Variants in DLC1 observed in about 807,000 individuals in gnomAD.
DLC1 encodes DLC1 Rho GTPase activating protein.
Under a neutral mutation model 140.3 loss-of-function variants are expected in DLC1, and 54 were observed. The observed-to-expected ratio is 0.38, with a 90% CI of 0.31 to 0.48. The LOEUF (loss-of-function observed/expected upper bound fraction) is 0.48. Ranked by LOEUF, DLC1 falls within the 20% of genes least tolerant of loss-of-function variation. The pLI is 0.96. For missense variants in DLC1, 2,536 were observed against 1,907.0 expected (o/e 1.33, Z -6.14); for synonymous variants, 986 against 728.1 (o/e 1.35, Z -5.70).
intron 5 of DLC1, among the ~76,000 whole-genome samples, chr8:13,122,802 G>GAAAAA (rs34886200): frequency 1.7e-5 from 2 of 120,684 alleles, no homozygotes. Flanking sequence ...TGCATAGTCT[G>GAAAAA]AAAAAAAAAA....
chr8:13,266,359 G>A (rs1830688462), intron 5 of DLC1, among the ~76,000 whole-genome samples: 1 of 152,082 alleles, frequency 6.6e-6, no homozygotes, highest in East Asian at 1.9e-4. Flanking sequence ...TTGGTTGGAG[G>A]GGCTTGGTAG....
At chr8:13,581,541 A>G (rs1229084526) in intron 1 of DLC1, among the ~76,000 whole-genome samples, 2 of 152,172 alleles carry the variant, frequency 1.3e-5, no homozygotes, top group Non-Finnish European at 2.9e-5. Flanking sequence ...TTCATCCAAG[A>G]TTTATCTAAT....
At chr8:13,123,341 G>T (rs187002843) in intron 5 of DLC1, among the ~76,000 whole-genome samples, 1 of 123,298 alleles carries the variant, frequency 8.1e-6, no homozygotes, top group Admixed American at 8.4e-5. Flanking sequence ...CCCCGCCCCC[G>T]CACCTTTTTG....
chr8:13,453,546 ATATATATATATTT>A lies in DLC1; in HGVS notation c.1023+45490_1023+45502del, dbSNP rs1799250091. The stretch of plus-strand genomic sequence containing the variant: ...TATATATGTATATATATACATATAT[ATATATATATATTT>A]TTTTTTTTTTTTTTTCAGATAGAAA... On this transcript the variant is annotated intron_variant, in intron 2 of 17. Coordinates refer to ENST00000276297, the MANE Select transcript of DLC1 (RefSeq NM_182643.3). Among the ~76,000 whole-genome samples the A allele has an allele frequency of 6.8e-5, 3 of 44,140 alleles. 1 individual carries two copies. Among genetic ancestry groups the A allele is most frequent in the African/African-American group, 3.9e-4 (3 of 7,720 alleles). The allele number at this position is 44,140 out of a possible 152,430, so 29.0% of individuals were successfully genotyped here.
At chr8:13,322,802 A>AG in intron 4 of DLC1, among the ~76,000 whole-genome samples, 1 of 152,224 alleles carries the variant, frequency 6.6e-6, no homozygotes, top group African/African-American at 2.4e-5. Context: ...TGTGTCCACA[A>AG]ATTCTTTAAC....
intron 2 of DLC1, among the ~76,000 whole-genome samples, chr8:13,453,422 A>ATATG (rs1554523043): frequency 6.1e-5 from 2 of 32,572 alleles, no homozygotes; most frequent in Non-Finnish European, 9.5e-5. Context: ...ATATATATAT[A>ATATG]TGTGTATATA....
intron 2 of DLC1, among the ~76,000 whole-genome samples, chr8:13,429,793 A>C (rs1838774560): frequency 6.6e-6 from 1 of 152,230 alleles, no homozygotes; most frequent in South Asian, 2.1e-4. Context: ...GCTACGTATA[A>C]CTTAAAGAAT....
intron 7 of DLC1, among the ~76,000 whole-genome samples, chr8:13,109,868 A>G (rs1478537511): frequency 6.6e-6 from 1 of 152,112 alleles, no homozygotes; most frequent in Non-Finnish European, 1.5e-5. Flanking sequence ...CTGGGCAACA[A>G]GAGCGAAACT....
At chr8:13,441,711 G>A (rs1050809974) in intron 2 of DLC1, among the ~76,000 whole-genome samples, 1 of 152,048 alleles carries the variant, frequency 6.6e-6, no homozygotes, top group Non-Finnish European at 1.5e-5. Context: ...AATAAAAGAG[G>A]ATACAAACAA....
chr8:13,241,100 A>C (rs1442724521), intron 5 of DLC1, among the ~76,000 whole-genome samples: 1 of 152,222 alleles, frequency 6.6e-6, no homozygotes, highest in African/African-American at 2.4e-5. Context: ...CACTTAAATT[A>C]CATTCTTGCA....
At chr8:13,410,452 C>T (rs1585059403) in intron 2 of DLC1, among the ~76,000 whole-genome samples, 1 of 151,862 alleles carries the variant, frequency 6.6e-6, no homozygotes, top group East Asian at 1.9e-4. Flanking sequence ...CTCAAAAATC[C>T]AAGAGAATAA....
intron 5 of DLC1, among the ~76,000 whole-genome samples, chr8:13,287,600 T>C (rs1054219752): frequency 3.9e-5 from 6 of 152,184 alleles, no homozygotes; most frequent in Non-Finnish European, 8.8e-5. Context: ...TTATTTGTTA[T>C]ATACATGGAA....
intron 1 of DLC1, among the ~76,000 whole-genome samples, chr8:13,593,266 A>G (rs1805578686): frequency 6.6e-6 from 1 of 152,132 alleles, no homozygotes. Flanking sequence ...TACCAATTTT[A>G]GAAGTATCAG....
chr8:13,239,761 G>A (rs2117235804), intron 5 of DLC1, among the ~76,000 whole-genome samples: 1 of 152,280 alleles, frequency 6.6e-6, no homozygotes, highest in Non-Finnish European at 1.5e-5. Flanking sequence ...TATTAGAAAT[G>A]GGGAGTTTTC....
chr8:13,242,823 A>G (rs374365888), intron 5 of DLC1, among the ~76,000 whole-genome samples: 2 of 152,066 alleles, frequency 1.3e-5, no homozygotes, highest in African/African-American at 4.8e-5. Flanking sequence ...TATGGAAAAT[A>G]TTACTTTAAC....
chr8:13,345,761 G>A (rs531240530), intron 4 of DLC1, among the ~76,000 whole-genome samples: 1 of 152,020 alleles, frequency 6.6e-6, no homozygotes, highest in African/African-American at 2.4e-5. Flanking sequence ...GTTTCACCAT[G>A]TTGGCCAGGC....
intron 5 of DLC1, among the ~76,000 whole-genome samples, chr8:13,302,839 G>A (rs1355940894): frequency 6.6e-6 from 1 of 151,864 alleles, no homozygotes; most frequent in Non-Finnish European, 1.5e-5. Flanking sequence ...TCTAGCGGAA[G>A]CTTACAGAGA....
chr8:13,160,907 C>G (rs961730221), intron 5 of DLC1, among the ~76,000 whole-genome samples: 15 of 152,106 alleles, frequency 9.9e-5, no homozygotes, highest in Admixed American at 9.8e-4. Flanking sequence ...CGGTGAAACC[C>G]CGTCTCTACT....
chr8:13,486,776 G>A (rs1800988561), intron 2 of DLC1, among the ~76,000 whole-genome samples: 1 of 152,108 alleles, frequency 6.6e-6, no homozygotes, highest in Non-Finnish European at 1.5e-5. Flanking sequence ...AATGAACATA[G>A]GACAGGATAT....
Sources: allele counts gnomAD v4.1 joint callset (sites outside exome capture counted in the v4.1 genomes callset), GRCh38; gene constraint gnomAD v4.1.1; transcripts MANE v1.5; gene names NCBI Gene and HGNC (gene_info 2026-07-23, HGNC 2026-07-21).